DDX24: variants seen among roughly 807,000 people sequenced by gnomAD.
DDX24 encodes the protein ATP-dependent RNA helicase DDX24.
DDX24 carries 24 observed loss-of-function variants against 68.9 expected under a neutral mutation model. The ratio of observed to expected loss-of-function variants is 0.35; its 90% confidence interval spans 0.25 to 0.49. The LOEUF is 0.49. DDX24 is among the 20% of genes least tolerant of loss of function. The pLI is 0.99. For synonymous variants in DDX24, 395 were observed against 385.2 expected, an observed-to-expected ratio of 1.03 and a Z score of -0.30; for missense variants, 989 against 1,039.0, an observed-to-expected ratio of 0.95 and a Z score of 0.66.
Position 94,062,453 on chromosome 14 carries a change from T to A in DDX24, c.887A>T (p.Asp296Val). 5 of 1,614,162 alleles carry A rather than the reference T, an allele frequency of 3.1e-6. No homozygotes were observed. The highest frequency in any genetic ancestry group is 4.2e-6 in the Non-Finnish European group (5 of 1,180,028). The change falls in exon 3 of 9, where the codon GAT (aspartate) becomes GTT (valine). Residue 296 changes from aspartate (D) to valine (V), a missense_variant. Transcript: ENST00000621632. Reference sequence around the variant, plus strand: ...AATTACAGTATCGTCAGGCAATGCATCAGACTCAGCTTCAGCCTTGCCTGG... The same window carrying A: ...AATTACAGTATCGTCAGGCAATGCAACAGACTCAGCTTCAGCCTTGCCTGG... ...RSPGKAEAES[D>V]ALPDDTVIES... is the part of the protein sequence containing the mutation.
chr14:94,057,671 CA>C, intron 6 of DDX24, 150 bp downstream of exon 6: 1 of 645,332 alleles, frequency 1.5e-6, no homozygotes, highest in Non-Finnish European at 2.6e-6. Context: ...AGCAGTGTTG[CA>C]AAAGTGGGAG....
Position 94,079,094 on chromosome 14 carries a change from G to C in DDX24, c.649C>G (p.Pro217Ala). ...GGTGCCAAGGTCAGGGCTTGGATTG[G>C]TGTGGGTGCAGAGAAGCCTAGAAAG... ...LSFLGFSAPT[P>A]IQALTLAPAI... Residue 217 changes from proline (P) to alanine (A), a missense_variant, in exon 2 of 9, where the codon CCA becomes GCA. Physicochemically the swap from Pro to Ala is conservative, Grantham distance 27 (BLOSUM62 -1). Transcript: ENST00000621632. 2 of 1,614,192 alleles carry C rather than the reference G, an allele frequency of 1.2e-6. No individual in the cohort carries two copies. The highest frequency in any genetic ancestry group is 1.7e-6 in the Non-Finnish European group (2 of 1,180,042).
Position 94,051,345 on chromosome 14 carries a change from T to C in DDX24, c.2426A>G (p.Tyr809Cys). The change falls in exon 9 of 9, where the codon TAT becomes TGT. Residue 809 changes from tyrosine to cysteine, a missense_variant. Around this residue, in one of 3 missense-constraint regions of DDX24, gnomAD observed 691 missense variants for 760.0 expected, o/e 0.91. Transcript: ENST00000621632. ...PLFTESQKTK[Y>C]PTQSGKPPLL... ...GGGCGGCTTGCCAGACTGAGTGGGA[T>C]ACTTGGTTTTCTGGCTCTCCGTAAA... 1.9e-6 allele frequency: 3 copies of C among 1,613,444 alleles called. No homozygotes were observed. The highest frequency in any genetic ancestry group is 2.5e-6 in the Non-Finnish European group (3 of 1,179,894).
Position 94,060,523 on chromosome 14 carries a change from T to C in DDX24, c.1488A>G (p.Gln496=), listed in dbSNP as rs761998325. ...CAAGCGTTTGTCTCTTTGGGTTGTA[T>C]TGGGAGTCATTGAGCATCTCTAGCA... ...SQLLEMLNDS[Q]YNPKRQTLVF... is the part of the protein sequence containing the mutation. The change falls in exon 5 of 9, where the codon CAA becomes CAG. Residue 496 remains glutamine (Q), a synonymous_variant. Coordinates refer to ENST00000621632, the MANE Select transcript of DDX24 (RefSeq NM_020414.4). The C allele has an allele frequency of 3.1e-6, 5 of 1,614,146 alleles. No individual in the cohort carries two copies. The highest frequency in any genetic ancestry group is 4.2e-6 in the Non-Finnish European group (5 of 1,180,032).
rs1311558427 is a variant in DDX24 at position 94,060,481 on chromosome 14, G to A, written c.1530C>T (p.Leu510=). The change falls in exon 5 of 9, where the codon CTC becomes CTT. Residue 510 remains leucine (L), a synonymous_variant. Transcript: ENST00000621632. ...KRQTLVFSAT[L]TLVHQAPARI... ...GAGCAGGAGCCTGATGCACCAGGGT[G>A]AGTGTGGCAGAAAAAACAAGCGTTT... 2.5e-6 allele frequency: 4 copies of A among 1,614,188 alleles called. No homozygotes were observed. Among genetic ancestry groups the A allele is most frequent in the Non-Finnish European group, 3.4e-6 (4 of 1,180,048 alleles).
chr14:94,055,155 G>A lies in DDX24; in HGVS notation c.2019C>T (p.His673=), dbSNP rs1476777963. 1.2e-6 allele frequency: 2 copies of A among 1,613,994 alleles called. No homozygotes were observed. The highest frequency in any genetic ancestry group is 3.3e-5 in the Admixed American group (2 of 60,014). Residue 673 remains histidine, a synonymous_variant, in exon 7 of 9, where the codon CAC becomes CAT. Coordinates refer to ENST00000621632, the MANE Select transcript of DDX24 (RefSeq NM_020414.4). ...QVPRTSEIYV[H]RSGRTARATN... The stretch of plus-strand genomic sequence containing the variant: ...TAGCTCGAGCAGTTCGACCACTTCG[G>A]TGGACATAAATCTCCGAGGTACGTG...
chr14:94,055,321 T>C, intron 6 of DDX24, 137 bp from the exon 7 acceptor site: 1 of 801,424 alleles, frequency 1.2e-6, no homozygotes, highest in South Asian at 1.8e-5. Context: ...TGTAGAGCAA[T>C]CTAGCCCTCC....
chr14:94,079,176 T>G lies in DDX24; in HGVS notation c.567A>C (p.Ala189=), dbSNP rs1436238642. ...ACAGGTCCTTCCAAGCTGACACATC[T>G]GCTTTCTGATCATGAACTTCAGGAA... ...TWIPEVHDQK[A]DVSAWKDLFV... The change falls in exon 2 of 9, where the codon GCA becomes GCC. Residue 189 remains alanine (A), a synonymous_variant. Coordinates refer to ENST00000621632, the MANE Select transcript of DDX24 (RefSeq NM_020414.4). The G allele has an allele frequency of 1.2e-6, 2 of 1,614,118 alleles. No homozygotes were observed. The highest frequency in any genetic ancestry group is 1.7e-6 in the Non-Finnish European group (2 of 1,180,050).
rs374473496 is a variant in DDX24 at position 94,060,479 on chromosome 14, G to C, written c.1532C>G (p.Thr511Ser). 4.3e-6 allele frequency: 7 copies of C among 1,614,044 alleles called. No homozygotes were observed. The highest frequency in any genetic ancestry group is 5.9e-6 in the Non-Finnish European group (7 of 1,180,062). ...TCGAGCAGGAGCCTGATGCACCAGG[G>C]TGAGTGTGGCAGAAAAAACAAGCGT... Reference protein sequence around the residue: ...RQTLVFSATLTLVHQAPARIL... With the variant: ...RQTLVFSATLSLVHQAPARIL... The change falls in exon 5 of 9, where the codon ACC (threonine) becomes AGC (serine). Residue 511 changes from threonine (T) to serine (S), a missense_variant. Transcript: ENST00000621632.
At chr14:94,077,331 A>G (rs1885964600) in intron 2 of DDX24, among the ~76,000 whole-genome samples, 1 of 152,214 alleles carries the variant, frequency 6.6e-6, no homozygotes, top group Admixed American at 6.5e-5. Flanking sequence ...TAGATTCACA[A>G]CCTGACAGGA....
At position 94,051,122 on chromosome 14, in the gene DDX24, G is replaced by A. The variant is rs2141419107; in HGVS notation, c.*69C>T. The stretch of plus-strand genomic sequence containing the variant: ...GGGTTGGTGGTGGAGTGAAACACAA[G>A]GGTGGGAGAGGTTTTGCAAATAGCC... On this transcript the variant is annotated 3_prime_UTR_variant, in exon 9 of 9. Transcript: ENST00000621632. The A allele has an allele frequency of 1.4e-6, 2 of 1,474,144 alleles. No individual in the cohort carries two copies. Among genetic ancestry groups the A allele is most frequent in the Admixed American group, 2.6e-5 (1 of 38,232 alleles). 91.3% of individuals were successfully genotyped at this position (1,474,144 alleles called of 1,614,324 possible). A position where few individuals can be genotyped will look rare whatever the true frequency, so the allele number is the denominator to read the frequency against.
intron 2 of DDX24, among the ~76,000 whole-genome samples, chr14:94,067,724 C>G (rs1477744139): frequency 6.6e-6 from 1 of 152,150 alleles, no homozygotes; most frequent in Non-Finnish European, 1.5e-5. Flanking sequence ...AATTTTGTAT[C>G]CAGCAAAACT....
chr14:94,058,762 G>C (rs1885536635), intron 5 of DDX24, among the ~76,000 whole-genome samples: 1 of 152,196 alleles, frequency 6.6e-6, no homozygotes, highest in East Asian at 1.9e-4. Flanking sequence ...ATCCTAGTTT[G>C]TAAAACATTA....
At chr14:94,075,713 C>G (rs28829097) in intron 2 of DDX24, among the ~76,000 whole-genome samples, 1 of 152,084 alleles carries the variant, frequency 6.6e-6, no homozygotes, top group East Asian at 1.9e-4. Flanking sequence ...GTTAAGAGAA[C>G]GAAAAGATAA....
chr14:94,051,168 C>G lies in DDX24; in HGVS notation c.*23G>C, dbSNP rs181727697. 3.1e-5 allele frequency: 46 copies of G among 1,485,722 alleles called. No homozygotes were observed. Among genetic ancestry groups the G allele is most frequent in the Non-Finnish European group, 3.8e-5 (43 of 1,123,580 alleles). The allele number at this position is 1,485,722 out of a possible 1,614,324, so 92.0% of individuals were successfully genotyped here. On this transcript the variant is annotated 3_prime_UTR_variant, in exon 9 of 9. Transcript: ENST00000621632. ...TAGCCAGAGAACAGAAACCAATGTGCAGTCACTGACACACTTGACCAGTTA... is the reference window on the plus strand; with the variant it reads ...TAGCCAGAGAACAGAAACCAATGTGGAGTCACTGACACACTTGACCAGTTA...
intron 8 of DDX24, chr14:94,051,792 CAA>C: frequency 3.7e-6 from 1 of 267,920 alleles, no homozygotes; most frequent in Non-Finnish European, 7.0e-6. Context: ...GCCCAGAACC[CAA>C]GTCTCCTGAC....
Position 94,062,400 on chromosome 14 carries a change from C to T in DDX24, c.940G>A (p.Ala314Thr). ...CCAGTCTTGGCTCTGGCCTCGGCTG[C>T]AATATCACTGGGCAGTGCTTCACTC... ...IESEALPSDI[A>T]AEARAKTGGT... The change falls in exon 3 of 9, where the codon GCA becomes ACA. Residue 314 changes from alanine to threonine, a missense_variant. Ala to Thr is a moderately conservative substitution (Grantham distance 58, BLOSUM62 0). Transcript: ENST00000621632. 2 of 1,614,194 alleles carry T rather than the reference C, an allele frequency of 1.2e-6. No individual in the cohort carries two copies. Among genetic ancestry groups the T allele is most frequent in the Non-Finnish European group, 1.7e-6 (2 of 1,180,040 alleles).
In DDX24 at chr14:94,068,505, C is replaced by T. The variant is rs1885754278; in HGVS notation, c.719-5884G>A. Among the ~76,000 whole-genome samples, 3 of 152,052 alleles carry T rather than the reference C, an allele frequency of 2.0e-5. 1 individual carries two copies. In the South Asian group the frequency reaches 6.2e-4, roughly 32 times the overall value. On this transcript the variant is annotated intron_variant, in intron 2 of 8. Transcript: ENST00000621632. The stretch of plus-strand genomic sequence containing the variant: ...AATCGATTTAAACTATACCTTGGAA[C>T]AAATGGACTTAACAGATATATACAG...
chr14:94,073,586 A>G lies in DDX24; in HGVS notation c.718+5439T>C, dbSNP rs528556841. ...CATTTTAGAACAAAAAAAAATTACT[A>G]AGGATAAAGGGGGCCATTTCATAAC... On this transcript the variant is annotated intron_variant, in intron 2 of 8. Transcript: ENST00000621632. Among the ~76,000 whole-genome samples, 5 of 152,336 alleles carry G rather than the reference A, an allele frequency of 3.3e-5. No individual in the cohort carries two copies. In the East Asian group the frequency reaches 9.6e-4, roughly 29 times the overall value.
Sources: allele counts gnomAD v4.1 joint callset (sites outside exome capture counted in the v4.1 genomes callset), GRCh38; gene constraint gnomAD v4.1.1; regional missense constraint gnomAD v4.1.1; transcripts MANE v1.5; gene names NCBI Gene and HGNC (gene_info 2026-07-23, HGNC 2026-07-21).